TTC38: variants seen among roughly 807,000 people sequenced by gnomAD.
The protein encoded by TTC38 is tetratricopeptide repeat domain 38, also known as tetratricopeptide repeat protein 38.
In TTC38, 64 loss-of-function variants were observed where a neutral mutation model predicts 64.2. The ratio of observed to expected loss-of-function variants is 1.00; its 90% CI spans 0.81 to 1.23. The LOEUF (loss-of-function observed/expected upper bound fraction) is 1.23. TTC38 is among the 50% of genes most tolerant of loss of function. The probability of loss-of-function intolerance (pLI) is 0.00; values close to 1 mark genes in which losing one functional copy is unlikely to be tolerated. For synonymous variants in TTC38, 254 were observed against 249.3 expected, an observed-to-expected ratio of 1.02 and a Z score of -0.18; for missense variants, 573 against 615.5, an observed-to-expected ratio of 0.93 and a Z score of 0.73.
intron 13 of TTC38, 48 bp downstream of exon 13, chr22:46,289,947 C>A: frequency 1.9e-6 from 3 of 1,545,628 alleles, no homozygotes; most frequent in Non-Finnish European, 2.7e-6. Flanking sequence ...ACAGGCTCTC[C>A]CTGCAGACCT....
rs377311851 is a variant in TTC38 at position 46,289,428 on chromosome 22, T to C, written c.1109T>C (p.Leu370Pro). Residue 370 changes from leucine (L) to proline (P), a missense_variant, in exon 12 of 14, where the codon CTC (leucine) becomes CCC (proline). By Grantham distance (98) the Leu-to-Pro change is moderately conservative. This residue lies in a region of TTC38 where 371 missense variants were observed against 381.8 expected (regional missense o/e 0.97). Transcript: ENST00000381031. ...TCCCCAGGGGAGAACTGCCAGCACC[T>C]CCTGGCCCGAGACGTGGGGCTGCCC... The part of the protein sequence containing the change: ...SESPGENCQH[L>P]LARDVGLPLC... 23 of 1,609,510 alleles carry C rather than the reference T, an allele frequency of 1.4e-5. No individual in the cohort carries two copies. Among genetic ancestry groups the C allele is most frequent in the Non-Finnish European group, 1.9e-5 (23 of 1,179,744 alleles).
At chr22:46,286,980 C>A in intron 9 of TTC38, 93 bp from the exon 10 acceptor site, 1 of 975,752 alleles carries the variant, frequency 1.0e-6, no homozygotes, top group South Asian at 1.5e-5. Flanking sequence ...CTATGCAGGC[C>A]CCACCCCACC....
rs1474950322 is a variant in TTC38 at position 46,292,478 on chromosome 22, C to T, written c.1317-313C>T. ...TCAACATATACATTTAGCCTGGACACAGACATTCAGTCCACAGCAGGGTCT... is the reference window on the plus strand; with the variant it reads ...TCAACATATACATTTAGCCTGGACATAGACATTCAGTCCACAGCAGGGTCT... On this transcript the variant is annotated intron_variant, in intron 13 of 13. Coordinates refer to ENST00000381031, the MANE Select transcript of TTC38 (RefSeq NM_017931.4). This position sits in a 1 kb window ranked among gnomAD's most constrained non-coding sequence, Gnocchi z 6.5. 11 of 408,718 alleles carry T rather than the reference C, an allele frequency of 2.7e-5. No homozygotes were observed. Among genetic ancestry groups the T allele is most frequent in the East Asian group, 4.4e-5 (1 of 22,954 alleles). 25.3% of individuals were successfully genotyped at this position (408,718 alleles called of 1,614,324 possible). A position where few individuals can be genotyped will look rare whatever the true frequency, so the allele number is the denominator to read the frequency against.
Position 46,293,145 on chromosome 22 carries a change from G to A in TTC38, c.*261G>A. 1 of 440,264 alleles carries A rather than the reference G, an allele frequency of 2.3e-6. No homozygotes were observed. The highest frequency in any genetic ancestry group is 4.2e-6 in the Non-Finnish European group (1 of 237,224). 27.3% of individuals were successfully genotyped at this position (440,264 alleles called of 1,614,324 possible). Reference sequence around the variant, plus strand: ...GAGTGCTGCTCTTTCCACCTGCCTTGCAAATTCTGTTTCCCAGGGGAATGT... The same window carrying A: ...GAGTGCTGCTCTTTCCACCTGCCTTACAAATTCTGTTTCCCAGGGGAATGT... On this transcript the variant is annotated 3_prime_UTR_variant, in exon 14 of 14. Transcript: ENST00000381031. This position sits in a 1 kb window ranked among gnomAD's most constrained non-coding sequence, Gnocchi z 6.6.
rs2077628199 is a variant in TTC38 at position 46,293,090 on chromosome 22, T to C, written c.*206T>C. On this transcript the variant is annotated 3_prime_UTR_variant, in exon 14 of 14. Transcript: ENST00000381031. This position sits in a 1 kb window ranked among gnomAD's most constrained non-coding sequence, Gnocchi z 6.6. ...CCTTTCAGTCCTCGAGAAGGGCCAA[T>C]GAGCATTTTTCAGCAGTCACAGCCA... The C allele has an allele frequency of 1.8e-6, 1 of 559,484 alleles. No individual in the cohort carries two copies. Among genetic ancestry groups the C allele is most frequent in the Admixed American group, 3.0e-5 (1 of 33,816 alleles). 34.7% of individuals were successfully genotyped at this position (559,484 alleles called of 1,614,324 possible).
chr22:46,289,960 G>A, intron 13 of TTC38, 61 bp downstream of exon 13: 1 of 1,474,090 alleles, frequency 6.8e-7, no homozygotes, highest in Non-Finnish European at 9.5e-7. Context: ...GCAGACCTCA[G>A]GAGTGCCTGG....
Position 46,275,440 on chromosome 22 carries a change from T to A in TTC38, c.539+19T>A, listed in dbSNP as rs373323658. On this transcript the variant is annotated intron_variant, in intron 5 of 13. Transcript: ENST00000381031. The surrounding 1 kb of genome is among the most constrained non-coding windows in gnomAD (Gnocchi z 4.5). The stretch of plus-strand genomic sequence containing the variant: ...TAAGCAGGTATGTGCCAGCTGGAAA[T>A]CACATTATTTCTGTTTCTTAATCTC... 12 of 1,598,188 alleles carry A rather than the reference T, an allele frequency of 7.5e-6. No individual in the cohort carries two copies. The Admixed American group carries it at 2.1e-4, about 28-fold the overall frequency.
chr22:46,278,791 C>A, intron 6 of TTC38, 130 bp downstream of exon 6: 1 of 789,970 alleles, frequency 1.3e-6, no homozygotes, highest in South Asian at 1.4e-5. Flanking sequence ...CTCAGAGAGA[C>A]TGGGGAGCTC....
At position 46,282,213 on chromosome 22, in the gene TTC38, G is replaced by C. The variant is rs985067773; in HGVS notation, c.735+495G>C. 4 of 326,212 alleles carry C rather than the reference G, an allele frequency of 1.2e-5. No individual in the cohort carries two copies. Among genetic ancestry groups the C allele is most frequent in the Non-Finnish European group, 2.5e-5 (4 of 162,882 alleles). The allele number at this position is 326,212 out of a possible 1,614,324, so 20.2% of individuals were successfully genotyped here. ...CTAGCCCGTCACTAGCTTGAGCAAGGCCTCCAAGGCCTACAGTGGCCTGTG... is the reference window on the plus strand; with the variant it reads ...CTAGCCCGTCACTAGCTTGAGCAAGCCCTCCAAGGCCTACAGTGGCCTGTG... On this transcript the variant is annotated intron_variant, in intron 7 of 13. Coordinates refer to ENST00000381031, the MANE Select transcript of TTC38 (RefSeq NM_017931.4). The surrounding 1 kb of genome is among the most constrained non-coding windows in gnomAD (Gnocchi z 4.4).
intron 11 of TTC38, among the ~76,000 whole-genome samples, chr22:46,289,009 G>T (rs8142248): frequency 0.011 from 1,603 of 152,378 alleles, 13 homozygotes; most frequent in Non-Finnish European, 0.018. Context: ...GGCAAGAGCT[G>T]GTGAGGGCTG....
intron 6 of TTC38, chr22:46,280,350 G>A (rs1219762386): frequency 8.0e-6 from 3 of 374,738 alleles, no homozygotes; most frequent in African/African-American, 6.4e-5. Context: ...AGGGGCAGGT[G>A]AGGACTGGAT....
At chr22:46,269,209 G>A (rs1258789792) in intron 2 of TTC38, 5 of 348,046 alleles carry the variant, frequency 1.4e-5, no homozygotes, top group South Asian at 1.1e-4. Context: ...TGGCCTCCCC[G>A]GGCCTCCCAT....
At position 46,273,858 on chromosome 22, in the gene TTC38, G is replaced by A. The variant is rs1199899583; in HGVS notation, c.194-40G>A. The A allele has an allele frequency of 6.2e-7, 1 of 1,609,468 alleles. No individual in the cohort carries two copies. The highest frequency in any genetic ancestry group is 1.3e-5 in the African/African-American group (1 of 74,836). On this transcript the variant is annotated intron_variant, in intron 3 of 13. Transcript: ENST00000381031. The surrounding 1 kb of genome is among the most constrained non-coding windows in gnomAD (Gnocchi z 5.1). ...GTCTGGGCTGGGATGGGCTGAGCTG[G>A]ACCATCTGAACCACCAGCCGTTCTC...
At chr22:46,287,264 C>G in intron 10 of TTC38, 110 bp downstream of exon 10, 1 of 905,292 alleles carries the variant, frequency 1.1e-6, no homozygotes, top group Non-Finnish European at 1.7e-6. Context: ...GTGAGCCGCT[C>G]CAGACCCCTC....
Position 46,276,871 on chromosome 22 carries a change from C to T in TTC38, c.539+1450C>T, listed in dbSNP as rs2077494075. On this transcript the variant is annotated intron_variant, in intron 5 of 13. Coordinates refer to ENST00000381031, the MANE Select transcript of TTC38 (RefSeq NM_017931.4). This position sits in a 1 kb window ranked among gnomAD's most constrained non-coding sequence, Gnocchi z 4.7. Reference sequence around the variant, plus strand: ...TATATATATATAAAAAATACTTTCACCGCAACACCTAGACTGGTGTTTCGC... The same window carrying T: ...TATATATATATAAAAAATACTTTCATCGCAACACCTAGACTGGTGTTTCGC... Among the ~76,000 whole-genome samples, 1 of 143,216 alleles carries T rather than the reference C, an allele frequency of 7.0e-6. No individual in the cohort carries two copies. Among genetic ancestry groups the T allele is most frequent in the Non-Finnish European group, 1.5e-5 (1 of 66,880 alleles). The allele number at this position is 143,216 out of a possible 152,430, so 94.0% of individuals were successfully genotyped here. A position where few individuals can be genotyped will look rare whatever the true frequency, so the allele number is the denominator to read the frequency against.
chr22:46,281,841 C>T lies in TTC38; in HGVS notation c.735+123C>T. 4 of 1,287,256 alleles carry T rather than the reference C, an allele frequency of 3.1e-6. No individual in the cohort carries two copies. The highest frequency in any genetic ancestry group is 4.4e-6 in the Non-Finnish European group (4 of 905,532). 79.7% of individuals were successfully genotyped at this position (1,287,256 alleles called of 1,614,324 possible). A position where few individuals can be genotyped will look rare whatever the true frequency, so the allele number is the denominator to read the frequency against. On this transcript the variant is annotated intron_variant, in intron 7 of 13. Transcript: ENST00000381031. The surrounding 1 kb of genome is among the most constrained non-coding windows in gnomAD (Gnocchi z 5.2). The stretch of plus-strand genomic sequence containing the variant: ...AATTCTCGGGGTTCCCTCTCCTCCT[C>T]CACCTGCACCTGCCTCAGGTGTTTG...
intron 7 of TTC38, among the ~76,000 whole-genome samples, chr22:46,283,009 G>A (rs560672987): frequency 6.6e-6 from 1 of 152,148 alleles, no homozygotes; most frequent in Admixed American, 6.5e-5. Flanking sequence ...GCTCACCGCA[G>A]CCTCGACCGC....
chr22:46,280,519 T>TC (rs1569020606), intron 6 of TTC38, among the ~76,000 whole-genome samples: 1 of 152,198 alleles, frequency 6.6e-6, no homozygotes, highest in Non-Finnish European at 1.5e-5. Context: ...CTTAGCAGGG[T>TC]CCCGTCTCGG....
chr22:46,268,763 C>A, intron 2 of TTC38, 172 bp downstream of exon 2: 1 of 608,360 alleles, frequency 1.6e-6, no homozygotes, highest in Non-Finnish European at 2.8e-6. Context: ...CGGCTCACTG[C>A]AAGCTTTGCC....
Sources: allele counts gnomAD v4.1 joint callset (sites outside exome capture counted in the v4.1 genomes callset), GRCh38; gene constraint gnomAD v4.1.1; regional missense constraint gnomAD v4.1.1; non-coding constraint Gnocchi (gnomAD v3.1); transcripts MANE v1.5; gene names NCBI Gene and HGNC (gene_info 2026-07-23, HGNC 2026-07-21).